TUBGCP2: variants seen among roughly 807,000 people sequenced by gnomAD.
TUBGCP2 encodes tubulin gamma complex component 2.
A neutral mutation model predicts 92.2 loss-of-function variants in TUBGCP2; 55 were observed. The ratio of observed to expected loss-of-function variants is 0.60; its 90% confidence interval spans 0.48 to 0.75. The LOEUF is 0.75. Among genes scored for constraint, TUBGCP2 ranks in the 30% least tolerant of loss-of-function variants. The pLI is 0.00. For missense variants in TUBGCP2, 1,093 were observed against 1,188.9 expected, an observed-to-expected ratio of 0.92 and a Z score of 1.19; for synonymous variants, 533 against 505.2, an observed-to-expected ratio of 1.06 and a Z score of -0.74.
chr10:133,284,022 G>A lies in TUBGCP2; in HGVS notation c.2025-20C>T. On this transcript the variant is annotated intron_variant, in intron 13 of 17. Transcript: ENST00000252936. ...GCAAACCTGAGTGACACGGAGGACG[G>A]AGGACAGCCATGGAGGACGCGGCCC... The A allele has an allele frequency of 6.2e-7, 1 of 1,612,104 alleles. No individual in the cohort carries two copies. Among genetic ancestry groups the A allele is most frequent in the Non-Finnish European group, 8.5e-7 (1 of 1,179,154 alleles).
rs1471603006 is a variant in TUBGCP2, at chr10:133,291,249, C to CT, written c.1214+1249_1214+1250insA. On this transcript the variant is annotated intron_variant, in intron 8 of 17. Coordinates refer to ENST00000252936, the MANE Select transcript of TUBGCP2 (RefSeq NM_006659.4). ...AGGGCAGCACGCGCCCTCCGTGTCC[C>CT]CCATGTCCCTCCGTGTCCCCCATGT... Among the ~76,000 whole-genome samples, 21 of 67,928 alleles carry CT rather than the reference C, an allele frequency of 3.1e-4. 2 individuals are homozygous for CT. Among genetic ancestry groups the CT allele is most frequent in the African/African-American group, 1.5e-3 (7 of 4,592 alleles). The allele number at this position is 67,928 out of a possible 152,430, so 44.6% of individuals were successfully genotyped here. A position where few individuals can be genotyped will look rare whatever the true frequency, so the allele number is the denominator to read the frequency against.
At chr10:133,309,827 C>G, upstream of TUBGCP2, 3 of 1,613,598 alleles carry the variant, frequency 1.9e-6, no homozygotes, top group South Asian at 3.3e-5. Flanking sequence ...TGTTCGATGC[C>G]CTGGACGACT....
At chr10:133,288,504 T>C (rs1179581465) in intron 10 of TUBGCP2, among the ~76,000 whole-genome samples, 195 bp from the exon 11 acceptor site, 1 of 151,762 alleles carries the variant, frequency 6.6e-6, no homozygotes, top group East Asian at 1.9e-4. Flanking sequence ...ATGCTCGCCA[T>C]AGCCATCACC....
At position 133,293,032 on chromosome 10, in the gene TUBGCP2, C is replaced by T; in HGVS notation, c.1024+7G>A. The T allele has an allele frequency of 6.2e-7, 1 of 1,612,080 alleles. No individual in the cohort carries two copies. The highest frequency in any genetic ancestry group is 8.5e-7 in the Non-Finnish European group (1 of 1,179,690). On this transcript the variant is annotated splice_region_variant and intron_variant, in intron 7 of 17. Coordinates refer to ENST00000252936, the MANE Select transcript of TUBGCP2 (RefSeq NM_006659.4). ...CACTGCCCCATGCCCCCCGGGCGGG[C>T]ACGCACCGAGGGAGGCCAGGATGTC...
At chr10:133,307,074 G>A (rs550909353) in intron 1 of TUBGCP2, among the ~76,000 whole-genome samples, 2 of 152,368 alleles carry the variant, frequency 1.3e-5, no homozygotes, top group African/African-American at 4.8e-5. Context: ...ATCATCAACA[G>A]AGCTGTCCCG....
upstream of TUBGCP2, chr10:133,309,945 C>T: frequency 6.2e-7 from 1 of 1,613,416 alleles, no homozygotes; most frequent in Non-Finnish European, 8.5e-7. Context: ...GCACGATTCG[C>T]TCTTCCAGAT....
chr10:133,281,516 C>G (rs886379798), intron 16 of TUBGCP2, 80 bp from the exon 17 acceptor site: 18 of 1,520,156 alleles, frequency 1.2e-5, no homozygotes, highest in Admixed American at 1.9e-5. Context: ...CCCAGCAGGC[C>G]GGTGTCCTTT....
chr10:133,282,286 G>A lies in TUBGCP2; in HGVS notation c.2346C>T (p.His782=). Residue 782 remains histidine, a synonymous_variant, in exon 16 of 18, where the codon CAC becomes CAT. Transcript: ENST00000252936. ...DGELGGQTLE[H]STVLGLPAGA... is the part of the protein sequence containing the mutation. ...CTGCGGGCAGCCCCAGGACGGTGCT[G>A]TGCTCCAGCGTCTGCCCGCCCAGCT... The A allele has an allele frequency of 6.2e-7, 1 of 1,606,982 alleles. No individual in the cohort carries two copies.
chr10:133,310,654 A>C, upstream of TUBGCP2: 2 of 270,296 alleles, frequency 7.4e-6, no homozygotes, highest in East Asian at 9.6e-5. Context: ...CCGTGTCTGT[A>C]CCTCCTGCAG....
Position 133,292,536 on chromosome 10 carries a change from T to C in TUBGCP2, c.1177A>G (p.Lys393Glu). The change falls in exon 8 of 18, where the codon AAG becomes GAG. Residue 393 changes from lysine (K) to glutamate (E), a missense_variant. This residue lies in a region of TUBGCP2 where 5 missense variants were observed against 24.9 expected (regional missense o/e 0.20). Transcript: ENST00000252936. ...TGGATGATGCCCCTGTAGATCCACT[T>C]CTCCAGAACCTCGAAGTAGGGAGCA... ...ASAPYFEVLE[K>E]WIYRGIIHDP... 6.2e-7 allele frequency: 1 copy of C among 1,613,904 alleles called. No individual in the cohort carries two copies. The highest frequency in any genetic ancestry group is 8.5e-7 in the Non-Finnish European group (1 of 1,179,966).
In TUBGCP2 at chr10:133,283,906, G is replaced by C; in HGVS notation, c.2121C>G (p.His707Gln). ...CGGATTTCAGGTTTTTCTCCAGGAT[G>C]TGCCAGGTCGGTTCCATCACTTCAA... ...MMFEVMEPTW[H>Q]ILEKNLKSAS... Residue 707 changes from histidine (H) to glutamine (Q), a missense_variant, in exon 14 of 18, where the codon CAC becomes CAG. His to Gln is a conservative substitution (Grantham distance 24). Coordinates refer to ENST00000252936, the MANE Select transcript of TUBGCP2 (RefSeq NM_006659.4). 6.2e-7 allele frequency: 1 copy of C among 1,614,110 alleles called. No homozygotes were observed. Among genetic ancestry groups the C allele is most frequent in the Non-Finnish European group, 8.5e-7 (1 of 1,179,994 alleles).
At chr10:133,284,077 CGGA>C (rs1847066518) in intron 13 of TUBGCP2, 75 bp from the exon 14 acceptor site, 1 of 1,574,820 alleles carries the variant, frequency 6.3e-7, no homozygotes, top group Non-Finnish European at 8.6e-7. Flanking sequence ...ACACGGAGGA[CGGA>C]GGACAGCCAT....
At chr10:133,291,332 C>CA (rs1383457523) in intron 8 of TUBGCP2, among the ~76,000 whole-genome samples, 3 of 31,918 alleles carry the variant, frequency 9.4e-5, no homozygotes, top group Non-Finnish European at 1.7e-4. Flanking sequence ...GCAGCATGCA[C>CA]CGTCCGTGTC....
In TUBGCP2 at chr10:133,292,578, G is replaced by A. The variant is rs1418402583; in HGVS notation, c.1135C>T (p.Leu379=). ...TAGGGAGCACTGGCCGCCTTGGTTA[G>A]GTACAGGCATAGCTCCTGCGCCTGG... is the stretch of plus-strand genomic sequence containing the variant. The part of the protein sequence containing the change: ...DSQAQELCLY[L]TKAASAPYFE... The change falls in exon 8 of 18, where the codon CTA becomes TTA. Residue 379 remains leucine, a synonymous_variant. Transcript: ENST00000252936. The A allele has an allele frequency of 6.2e-7, 1 of 1,614,178 alleles. No individual in the cohort carries two copies.
chr10:133,280,187 G>A (rs1846932332), intron 17 of TUBGCP2, among the ~76,000 whole-genome samples: 1 of 152,232 alleles, frequency 6.6e-6, no homozygotes, highest in South Asian at 2.1e-4. Flanking sequence ...TCCACAGGAA[G>A]GTTTTCAGTC....
chr10:133,302,671 C>G (rs1346287693), intron 2 of TUBGCP2, 121 bp downstream of exon 2: 1 of 1,313,506 alleles, frequency 7.6e-7, no homozygotes, highest in Non-Finnish European at 1.1e-6. Context: ...CACCCTGTAC[C>G]ACCCTGACCC....
chr10:133,290,281 T>G (rs1261623967), intron 8 of TUBGCP2: 3 of 284,176 alleles, frequency 1.1e-5, no homozygotes, highest in Non-Finnish European at 1.4e-5. Flanking sequence ...GATCACGAAG[T>G]CAAGAGATCA....
At chr10:133,307,934 T>C (rs1847865647) in intron 1 of TUBGCP2, among the ~76,000 whole-genome samples, 1 of 152,088 alleles carries the variant, frequency 6.6e-6, no homozygotes. Context: ...CACAGAGATA[T>C]TTGTGTATCT....
chr10:133,291,262 GTGTCCCCCA>G (rs796206316), intron 8 of TUBGCP2, among the ~76,000 whole-genome samples: 2,374 of 55,744 alleles, frequency 0.043, 65 homozygotes, highest in Middle Eastern at 0.081. Context: ...ATGTCCCTCC[GTGTCCCCCA>G]TGTCCCTCCG....
Sources: gnomAD v4.1 joint callset for allele counts (sites outside exome capture counted in the v4.1 genomes callset) on GRCh38, gnomAD v4.1.1 for gene constraint, gnomAD v4.1.1 regional missense constraint, MANE v1.5 for transcripts, NCBI Gene and HGNC (gene_info 2026-07-23, HGNC 2026-07-21) for gene names.